Variants in ZNF483 observed in about 807,000 individuals in gnomAD.
ZNF483 encodes the protein zinc finger protein HIT-10.
A neutral mutation model predicts 28.6 loss-of-function variants in ZNF483; 9 were observed. The ratio of observed to expected loss-of-function variants is 0.32; its 90% CI spans 0.19 to 0.55. The LOEUF is 0.55. ZNF483 is among the 20% of genes least tolerant of loss of function. The probability of loss-of-function intolerance (pLI) is 0.93; values close to 1 mark genes in which losing one functional copy is unlikely to be tolerated. For missense variants in ZNF483, 675 were observed against 871.7 expected (o/e 0.77, Z 2.84); for synonymous variants, 322 against 306.2 (o/e 1.05, Z -0.54).
chr9:111,528,010 A>G, intron 2 of ZNF483: 4 of 1,462,940 alleles, frequency 2.7e-6, no homozygotes, highest in Non-Finnish European at 3.6e-6. Flanking sequence ...ATCTGTTAAA[A>G]AGGGATTTTA....
In ZNF483 at chr9:111,550,326, GCT is replaced by G. The variant is rs1244478734; in HGVS notation, c.*7159_*7160del. Among the ~76,000 whole-genome samples, 1 of 152,156 alleles carries G rather than the reference GCT, an allele frequency of 6.6e-6. No individual in the cohort carries two copies. The highest frequency in any genetic ancestry group is 2.4e-5 in the African/African-American group (1 of 41,428). On this transcript the variant is annotated 3_prime_UTR_variant, in exon 6 of 6. Coordinates refer to ENST00000309235, the MANE Select transcript of ZNF483 (RefSeq NM_133464.5). ...AGAATGGTAGCTTGCTTCTTTGTCT[GCT>G]CTTTCTCTGTGATCAGAAGTAGATA...
At position 111,551,608 on chromosome 9, in the gene ZNF483, C is replaced by A. The variant is rs1404804866; in HGVS notation, c.*8438C>A. Among the ~76,000 whole-genome samples, 14 of 151,748 alleles carry A rather than the reference C, an allele frequency of 9.2e-5. No homozygotes were observed. The highest frequency in any genetic ancestry group is 1.5e-5 in the Non-Finnish European group (1 of 67,906). On this transcript the variant is annotated 3_prime_UTR_variant, in exon 6 of 6. Transcript: ENST00000309235. ...GTAGAGGCGGGGTTTCACTGTGTTG[C>A]CCAGGCTGTTCTCCAACTCCTAAGC...
chr9:111,541,915 A>G lies in ZNF483; in HGVS notation c.980A>G (p.Lys327Arg). The G allele has an allele frequency of 1.9e-6, 3 of 1,614,170 alleles. No individual in the cohort carries two copies. The South Asian group carries it at 3.3e-5, about 18-fold the overall frequency. The change falls in exon 6 of 6, where the codon AAG (lysine) becomes AGG (arginine). Residue 327 changes from lysine (K) to arginine (R), a missense_variant. By Grantham distance (26) the Lys-to-Arg change is conservative (BLOSUM62 2). Coordinates refer to ENST00000309235, the MANE Select transcript of ZNF483 (RefSeq NM_133464.5). Reference protein sequence around the residue: ...LIKHLRVYLRKKSRRYNESKK... With the variant: ...LIKHLRVYLRRKSRRYNESKK... Reference sequence around the variant, plus strand: ...AAACATCTGAGAGTCTACTTGAGGAAGAAATCTCGGAGGTATAATGAAAGC... The same window carrying G: ...AAACATCTGAGAGTCTACTTGAGGAGGAAATCTCGGAGGTATAATGAAAGC...
At chr9:111,541,197 C>T (rs1827662385) in intron 5 of ZNF483, among the ~76,000 whole-genome samples, 1 of 148,120 alleles carries the variant, frequency 6.8e-6, no homozygotes, top group Admixed American at 6.9e-5. Flanking sequence ...TCAAGTGATT[C>T]TCCTGCCTCA....
Position 111,554,511 on chromosome 9 carries a change from G to C in ZNF483, c.*11341G>C, listed in dbSNP as rs141751526. ...CTTATCCATGGGGGATATGCTCCAAGACCTCGAGTGGATGCCTGCAACCTC... is the reference window on the plus strand; with the variant it reads ...CTTATCCATGGGGGATATGCTCCAACACCTCGAGTGGATGCCTGCAACCTC... On this transcript the variant is annotated 3_prime_UTR_variant, in exon 6 of 6. Transcript: ENST00000309235. Among the ~76,000 whole-genome samples, 352 of 152,278 alleles carry C rather than the reference G, an allele frequency of 2.3e-3. 1 individual carries two copies. Among genetic ancestry groups the C allele is most frequent in the African/African-American group, 8.0e-3 (332 of 41,562 alleles).
At chr9:111,568,916 T>C (rs578117333) in intron 5 of ZNF483, among the ~76,000 whole-genome samples, 11 of 152,304 alleles carry the variant, frequency 7.2e-5, no homozygotes, top group African/African-American at 2.6e-4. Context: ...TCTGTATATA[T>C]TTTGAAGATA....
Position 111,541,801 on chromosome 9 carries a change from A to G in ZNF483, c.866A>G (p.Lys289Arg), listed in dbSNP as rs139231927. ...GNSKGRVAQN[K>R]TLGSGSRGKK... The stretch of plus-strand genomic sequence containing the variant: ...TCAAAAGGAAGAGTCGCACAAAACA[A>G]AACTCTTGGGAGTGGCAGTAGGGGT... Residue 289 changes from lysine to arginine, a missense_variant, in exon 6 of 6, where the codon AAA (lysine) becomes AGA (arginine). This residue lies in a region of ZNF483 where 525 missense variants were observed against 581.8 expected (regional missense o/e 0.90). Transcript: ENST00000309235. The G allele has an allele frequency of 3.7e-6, 6 of 1,614,192 alleles. No homozygotes were observed. Among genetic ancestry groups the G allele is most frequent in the South Asian group, 1.1e-5 (1 of 91,082 alleles).
In ZNF483 at chr9:111,547,793, C is replaced by T. The variant is rs895456840; in HGVS notation, c.*4623C>T. Among the ~76,000 whole-genome samples, 1 of 151,912 alleles carries T rather than the reference C, an allele frequency of 6.6e-6. No individual in the cohort carries two copies. Among genetic ancestry groups the T allele is most frequent in the Non-Finnish European group, 1.5e-5 (1 of 67,924 alleles). ...AGGTCTTATGTTTAAGTCTTTTAACCATTTTGATTTTTATGTATGGTAAAG... is the reference window on the plus strand; with the variant it reads ...AGGTCTTATGTTTAAGTCTTTTAACTATTTTGATTTTTATGTATGGTAAAG... On this transcript the variant is annotated 3_prime_UTR_variant, in exon 6 of 6. Transcript: ENST00000309235.
chr9:111,561,706 A>T (rs539801160), intron 5 of ZNF483, among the ~76,000 whole-genome samples: 1 of 152,202 alleles, frequency 6.6e-6, no homozygotes, highest in Non-Finnish European at 1.5e-5. Context: ...TCATCTGTAG[A>T]GGACCAGTAT....
At chr9:111,528,128 T>A in intron 2 of ZNF483, 4 of 1,101,348 alleles carry the variant, frequency 3.6e-6, no homozygotes, top group Non-Finnish European at 3.7e-6. Flanking sequence ...ACACAAGTTA[T>A]CTGTGAAAGT....
chr9:111,567,478 C>T (rs550313585), intron 5 of ZNF483, among the ~76,000 whole-genome samples: 1 of 152,284 alleles, frequency 6.6e-6, no homozygotes, highest in South Asian at 2.1e-4. Flanking sequence ...AACCACCGTG[C>T]CAGTCCAGAC....
At position 111,542,019 on chromosome 9, in the gene ZNF483, A is replaced by G; in HGVS notation, c.1084A>G (p.Asn362Asp). The G allele has an allele frequency of 6.2e-7, 1 of 1,614,040 alleles. No individual in the cohort carries two copies. Among genetic ancestry groups the G allele is most frequent in the South Asian group, 1.1e-5 (1 of 91,070 alleles). Reference sequence around the variant, plus strand: ...CGCCGGAGAAAAGTCACGGAAATCTAATGATGGTGGGAAAGTCCTGAGTCA... The same window carrying G: ...CGCCGGAGAAAAGTCACGGAAATCTGATGATGGTGGGAAAGTCCTGAGTCA... ...KTAGEKSRKS[N>D]DGGKVLSHSS... Residue 362 changes from asparagine (N) to aspartate (D), a missense_variant, in exon 6 of 6, where the codon AAT (asparagine) becomes GAT (aspartate). This residue lies in a region of ZNF483 where 525 missense variants were observed against 581.8 expected (regional missense o/e 0.90). Coordinates refer to ENST00000309235, the MANE Select transcript of ZNF483 (RefSeq NM_133464.5). This position sits in a 1 kb window ranked among gnomAD's most constrained non-coding sequence, Gnocchi z 6.2.
In ZNF483 at chr9:111,549,248, T is replaced by C. The variant is rs1309584716; in HGVS notation, c.*6078T>C. 6.6e-6 allele frequency among the ~76,000 whole-genome samples: 1 copy of C among 152,218 alleles called. No homozygotes were observed. On this transcript the variant is annotated 3_prime_UTR_variant, in exon 6 of 6. Transcript: ENST00000309235. ...ATCAGATGAGGAATTTCTTGATCACTGGGGAGAAATATCTTACAATTCTGA... is the reference window on the plus strand; with the variant it reads ...ATCAGATGAGGAATTTCTTGATCACCGGGGAGAAATATCTTACAATTCTGA...
intron 5 of ZNF483, among the ~76,000 whole-genome samples, chr9:111,538,545 G>T (rs1827580731): frequency 6.7e-6 from 1 of 150,272 alleles, no homozygotes; most frequent in African/African-American, 2.4e-5. Flanking sequence ...AATCTGTGTT[G>T]TTCAAGGGTC....
chr9:111,528,542 AT>A (rs1363674586), intron 2 of ZNF483, among the ~76,000 whole-genome samples: 1 of 152,098 alleles, frequency 6.6e-6, no homozygotes, highest in Non-Finnish European at 1.5e-5. Context: ...TTTTTCTCAA[AT>A]TTGTAGCTAT....
chr9:111,554,769 A>G lies in ZNF483; in HGVS notation c.*11599A>G, dbSNP rs1310632118. ...ATTTAAAATTTTGGGGCCAAGATTG[A>G]GGGTAACTGAAACCACGGAAAGTGA... On this transcript the variant is annotated 3_prime_UTR_variant, in exon 6 of 6. Transcript: ENST00000309235. 2.0e-5 allele frequency among the ~76,000 whole-genome samples: 3 copies of G among 152,162 alleles called. No homozygotes were observed. Among genetic ancestry groups the G allele is most frequent in the Non-Finnish European group, 4.4e-5 (3 of 68,028 alleles).
rs1300547135 is a variant in ZNF483 at position 111,544,887 on chromosome 9, T to A, written c.*1717T>A. On this transcript the variant is annotated 3_prime_UTR_variant, in exon 6 of 6. Coordinates refer to ENST00000309235, the MANE Select transcript of ZNF483 (RefSeq NM_133464.5). ...AGGGTTCTGGAGGAACCCCATGGAC[T>A]CAACAGTGGTCTAGAAATAAGTTCC... Among the ~76,000 whole-genome samples the A allele has an allele frequency of 6.6e-6, 1 of 152,180 alleles. No individual in the cohort carries two copies. Among genetic ancestry groups the A allele is most frequent in the Non-Finnish European group, 1.5e-5 (1 of 68,016 alleles).
intron 5 of ZNF483, among the ~76,000 whole-genome samples, chr9:111,540,255 A>T (rs1273213798): frequency 6.6e-6 from 1 of 152,218 alleles, no homozygotes; most frequent in Non-Finnish European, 1.5e-5. Flanking sequence ...TCTGTTTTAA[A>T]CTATATAGAA....
chr9:111,573,072 C>A (rs1463936355), intron 5 of ZNF483, among the ~76,000 whole-genome samples: 1 of 152,140 alleles, frequency 6.6e-6, no homozygotes, highest in Non-Finnish European at 1.5e-5. Flanking sequence ...ATGGAACGGA[C>A]AAGGCCAGCT....
Sources: gnomAD v4.1 joint callset for allele counts (sites outside exome capture counted in the v4.1 genomes callset) on GRCh38, gnomAD v4.1.1 for gene constraint, gnomAD v4.1.1 regional missense constraint, Gnocchi (gnomAD v3.1) non-coding constraint, MANE v1.5 for transcripts, NCBI Gene and HGNC (gene_info 2026-07-23, HGNC 2026-07-21) for gene names.